MAPRE2: variants seen among roughly 807,000 people sequenced by gnomAD.
MAPRE2 encodes microtubule-associated protein RP/EB family member 2.
A neutral mutation model predicts 43.2 loss-of-function variants in MAPRE2; 13 were observed. The observed-to-expected ratio is 0.30, with a 90% CI of 0.20 to 0.48. The LOEUF is 0.48. MAPRE2 is among the 20% of genes least tolerant of loss of function. The pLI is 0.99. For synonymous variants in MAPRE2, 135 were observed against 148.8 expected (o/e 0.91, Z 0.68); for missense variants, 161 against 400.2 (o/e 0.40, Z 5.10).
intron 1 of MAPRE2, chr18:34,978,302 T>C (rs765588287): frequency 3.2e-6 from 2 of 621,312 alleles, no homozygotes; most frequent in East Asian, 2.8e-5. Context: ...CAATGTAGAA[T>C]GAAGGGTTAA....
chr18:34,992,926 A>G (rs2097024535), intron 1 of MAPRE2, among the ~76,000 whole-genome samples: 1 of 152,174 alleles, frequency 6.6e-6, no homozygotes, highest in Non-Finnish European at 1.5e-5. Context: ...TCATAGGCTG[A>G]CAAATAAAGA....
chr18:35,027,912 C>T (rs1192864217), intron 2 of MAPRE2, among the ~76,000 whole-genome samples: 1 of 152,118 alleles, frequency 6.6e-6, no homozygotes, highest in African/African-American at 2.4e-5. Flanking sequence ...TCTCTCCTCT[C>T]TTCCCCTCCC....
At chr18:35,090,130 G>A (rs1908073832) in intron 2 of MAPRE2, among the ~76,000 whole-genome samples, 1 of 152,142 alleles carries the variant, frequency 6.6e-6, no homozygotes, top group East Asian at 1.9e-4. Flanking sequence ...AGGGCCTGGA[G>A]GGAGGAGAGA....
chr18:34,977,286 C>G (rs1432902156), intron 1 of MAPRE2, among the ~76,000 whole-genome samples: 1 of 152,168 alleles, frequency 6.6e-6, no homozygotes, highest in East Asian at 1.9e-4. Flanking sequence ...CGGGTGTGCA[C>G]CCCGCCGCTC....
chr18:35,095,402 G>A (rs55723528), intron 2 of MAPRE2, among the ~76,000 whole-genome samples: 35,819 of 92,454 alleles, frequency 0.39, 5,802 homozygotes, highest in African/African-American at 0.62. Context: ...ACACACACAC[G>A]CACACACACA....
intron 4 of MAPRE2, among the ~76,000 whole-genome samples, chr18:35,104,822 T>C (rs1908832853): frequency 6.6e-6 from 1 of 152,044 alleles, no homozygotes; most frequent in Non-Finnish European, 1.5e-5. Context: ...AGGAGGTATG[T>C]CGGGTGGGAG....
At chr18:35,121,689 T>G (rs549086977) in intron 4 of MAPRE2, among the ~76,000 whole-genome samples, 3 of 152,262 alleles carry the variant, frequency 2.0e-5, no homozygotes, top group Non-Finnish European at 4.4e-5. Context: ...CTGTAAAAGC[T>G]GTTATGTAAA....
chr18:35,115,331 G>A (rs1344867542), intron 4 of MAPRE2, among the ~76,000 whole-genome samples: 1 of 152,164 alleles, frequency 6.6e-6, no homozygotes, highest in Admixed American at 6.5e-5. Context: ...TAGAAAGTAT[G>A]CTAGTACACT....
chr18:35,129,499 G>A (rs1910053698), intron 5 of MAPRE2, among the ~76,000 whole-genome samples: 1 of 152,178 alleles, frequency 6.6e-6, no homozygotes, highest in Non-Finnish European at 1.5e-5. Context: ...CACTACAGAA[G>A]TACCACTATG....
chr18:35,097,733 A>G (rs1324286780), intron 3 of MAPRE2, 142 bp downstream of exon 3: 13 of 660,002 alleles, frequency 2.0e-5, no homozygotes, highest in Non-Finnish European at 3.0e-5. Context: ...AGCATAAAGC[A>G]TCACCCTAAG....
At chr18:35,079,322 A>G (rs1401569070) in intron 2 of MAPRE2, among the ~76,000 whole-genome samples, 1 of 152,210 alleles carries the variant, frequency 6.6e-6, no homozygotes, top group African/African-American at 2.4e-5. Flanking sequence ...GGATTTACTT[A>G]TCAAGTTATC....
chr18:35,012,731 A>T (rs553446111), intron 2 of MAPRE2, among the ~76,000 whole-genome samples: 1 of 152,278 alleles, frequency 6.6e-6, no homozygotes, highest in East Asian at 1.9e-4. Flanking sequence ...GGTGGTTGTC[A>T]GGGGCTGACA....
intron 1 of MAPRE2, among the ~76,000 whole-genome samples, chr18:35,065,927 C>T (rs1307851772): frequency 6.6e-6 from 1 of 152,206 alleles, no homozygotes; most frequent in Non-Finnish European, 1.5e-5. Context: ...TGGGAGACAG[C>T]GCTTTGACTT....
chr18:35,015,416 A>G (rs1450617599), intron 2 of MAPRE2, among the ~76,000 whole-genome samples: 2 of 152,254 alleles, frequency 1.3e-5, no homozygotes, highest in South Asian at 2.1e-4. Flanking sequence ...TATGTTCTAC[A>G]TGAAACTTCG....
chr18:35,114,542 GCCCT>G (rs986994520), intron 4 of MAPRE2, among the ~76,000 whole-genome samples: 35 of 152,144 alleles, frequency 2.3e-4, no homozygotes, highest in African/African-American at 8.4e-4. Flanking sequence ...AGAATATTGA[GCCCT>G]AGATTAGTAG....
intron 6 of MAPRE2, among the ~76,000 whole-genome samples, chr18:35,139,552 T>C (rs1910532099): frequency 6.6e-6 from 1 of 152,198 alleles, no homozygotes; most frequent in Admixed American, 6.5e-5. Context: ...CCTATCTGAT[T>C]CTCAGTTGAT....
chr18:35,005,807 T>A (rs936712080), intron 2 of MAPRE2, among the ~76,000 whole-genome samples: 2 of 152,206 alleles, frequency 1.3e-5, no homozygotes, highest in Non-Finnish European at 2.9e-5. Flanking sequence ...AGTTTAATTT[T>A]GAAAAATCTT....
chr18:35,114,852 G>C (rs1442965126), intron 4 of MAPRE2, among the ~76,000 whole-genome samples: 1 of 152,170 alleles, frequency 6.6e-6, no homozygotes, highest in Non-Finnish European at 1.5e-5. Context: ...GTGCTCATCT[G>C]ATGGATCATT....
rs1568962324 is a variant in MAPRE2, at chr18:34,985,719, A to AATATGTAATATATAAATATATATTAT, written c.-70+8657_-70+8682dup. Reference sequence around the variant, plus strand: ...TGTGATATATAAATATATATCATATAATATGTAATATATAAATATATATTA... The same window carrying AATATGTAATATATAAATATATATTAT: ...TGTGATATATAAATATATATCATATAATATGTAATATATAAATATATATTATATATGTAATATATAAATATATATTA... On this transcript the variant is annotated intron_variant, in intron 1 of 7. Coordinates refer to the MAPRE2 transcript ENST00000413393. Among the ~76,000 whole-genome samples the AATATGTAATATATAAATATATATTAT allele has an allele frequency of 1.1e-4, 10 of 94,694 alleles. No individual in the cohort carries two copies. The South Asian group carries it at 1.7e-3, about 16-fold the overall frequency. The allele number at this position is 94,694 out of a possible 152,430, so 62.1% of individuals were successfully genotyped here.
Sources: gnomAD v4.1 joint callset for allele counts (sites outside exome capture counted in the v4.1 genomes callset) on GRCh38, gnomAD v4.1.1 for gene constraint, MANE v1.5 for transcripts, NCBI Gene and HGNC (gene_info 2026-07-23, HGNC 2026-07-21) for gene names.